Variants in SLC14A1 observed in about 807,000 individuals in gnomAD.
SLC14A1 encodes the protein urea transporter 1.
SLC14A1 carries 36 observed loss-of-function variants against 39.6 expected under a neutral mutation model. The observed-to-expected ratio is 0.91, with a 90% confidence interval of 0.70 to 1.20. The LOEUF is 1.20. SLC14A1 is among the 50% of genes most tolerant of loss of function. The probability of loss-of-function intolerance (pLI) is 0.00; values close to 1 mark genes in which losing one functional copy is unlikely to be tolerated. For missense variants in SLC14A1, 469 were observed against 478.7 expected (o/e 0.98, Z 0.19); for synonymous variants, 164 against 173.6 (o/e 0.94, Z 0.43).
chr18:45,731,163 AGTGGTCTCCACTCT>A lies in SLC14A1; in HGVS notation c.302_315del (p.Val101AspfsTer111). 3 of 1,614,074 alleles carry A rather than the reference AGTGGTCTCCACTCT, an allele frequency of 1.9e-6. No individual in the cohort carries two copies. The highest frequency in any genetic ancestry group is 2.5e-6 in the Non-Finnish European group (3 of 1,179,988). On this transcript the variant is annotated frameshift_variant, in exon 4 of 10. Transcript: ENST00000321925. LOFTEE classifies it high-confidence loss of function. ...GGGCTCTCACTGGCTGGCTGGGAAC[AGTGGTCTCCACTCT>A]GATGGCCCTCTTGCTCAGCCAGGAC...
intron 9 of SLC14A1, 142 bp downstream of exon 9, chr18:45,748,567 G>T: frequency 1.2e-6 from 1 of 847,752 alleles, no homozygotes; most frequent in Admixed American, 1.8e-5. Context: ...TTCTCCTGGA[G>T]CTCCCTGGCC....
intron 4 of SLC14A1, 71 bp from the exon 5 acceptor site, chr18:45,734,203 A>G: frequency 6.4e-7 from 1 of 1,571,012 alleles, no homozygotes; most frequent in Non-Finnish European, 8.8e-7. Context: ...GGAAGTTACT[A>G]GTGTTATTTA....
intron 2 of SLC14A1, chr18:45,729,047 A>G (rs980348648): frequency 1.3e-5 from 2 of 152,134 alleles, no homozygotes; most frequent in Admixed American, 1.3e-4. Flanking sequence ...GCTATGGTAA[A>G]TGGAACAATG....
chr18:45,738,386 A>C (rs2047259267), intron 6 of SLC14A1, among the ~76,000 whole-genome samples: 1 of 152,254 alleles, frequency 6.6e-6, no homozygotes, highest in Non-Finnish European at 1.5e-5. Flanking sequence ...TCAGCTGTAA[A>C]GAATGATCAC....
At position 45,749,687 on chromosome 18, in the gene SLC14A1, T is replaced by C; in HGVS notation, c.997-91T>C. 2.7e-6 allele frequency: 4 copies of C among 1,471,182 alleles called. No homozygotes were observed. The African/African-American group carries it at 4.2e-5, about 15-fold the overall frequency. 91.1% of individuals were successfully genotyped at this position (1,471,182 alleles called of 1,614,324 possible). Reference sequence around the variant, plus strand: ...CAATGCCCCCAGTGGTTCATCCCCCTGGGCTGAATGCAAGTAGAGGGGGAT... The same window carrying C: ...CAATGCCCCCAGTGGTTCATCCCCCCGGGCTGAATGCAAGTAGAGGGGGAT... On this transcript the variant is annotated intron_variant, in intron 9 of 9. Transcript: ENST00000321925.
intron 4 of SLC14A1, among the ~76,000 whole-genome samples, chr18:45,732,232 G>C (rs1418807992): frequency 6.6e-6 from 1 of 152,106 alleles, no homozygotes; most frequent in Non-Finnish European, 1.5e-5. Flanking sequence ...TACTTTCCTT[G>C]GTCTGAAAAG....
intron 5 of SLC14A1, among the ~76,000 whole-genome samples, chr18:45,734,801 G>A (rs556856674): frequency 5.9e-4 from 90 of 152,132 alleles, no homozygotes; most frequent in Non-Finnish European, 1.2e-3. Context: ...GGAGCAGGAG[G>A]GCAAGGAGAA....
intron 7 of SLC14A1, 105 bp downstream of exon 7, chr18:45,739,415 G>C: frequency 6.2e-7 from 1 of 1,605,358 alleles, no homozygotes; most frequent in South Asian, 1.1e-5. Context: ...TGGCTTCCTA[G>C]GGACCAATGG....
At chr18:45,739,495 A>G (rs1483187125) in intron 7 of SLC14A1, 33 bp from the exon 8 acceptor site, 2 of 1,613,834 alleles carry the variant, frequency 1.2e-6, no homozygotes, top group Admixed American at 3.3e-5. Flanking sequence ...TCCTGCCTTT[A>G]GTCCTGAGTT....
chr18:45,746,376 C>T (rs1187487665), intron 8 of SLC14A1, among the ~76,000 whole-genome samples: 1 of 152,180 alleles, frequency 6.6e-6, no homozygotes, highest in Non-Finnish European at 1.5e-5. Context: ...TCTTAATTGA[C>T]ATACCTACCA....
Position 45,736,516 on chromosome 18 carries a change from C to T in SLC14A1, c.531C>T (p.Thr177=). ...MLSKWDLPVF[T]LPFNMALSMY... ...GCAAATGGGACCTCCCCGTCTTCAC[C>T]CTCCCTTTCAACATGGCGTTGTCAA... Residue 177 remains threonine, a synonymous_variant, in exon 6 of 10, where the codon ACC becomes ACT. Transcript: ENST00000321925. The T allele has an allele frequency of 6.2e-7, 1 of 1,614,108 alleles. No homozygotes were observed. Among genetic ancestry groups the T allele is most frequent in the Non-Finnish European group, 8.5e-7 (1 of 1,179,980 alleles).
At position 45,749,892 on chromosome 18, in the gene SLC14A1, G is replaced by A. The variant is rs756254780; in HGVS notation, c.1111G>A (p.Glu371Lys). ...KMPLSKVTYP[E>K]ENRIFYLQAK... is the part of the protein sequence containing the mutation. ...GCCCCTCAGTAAAGTTACTTATCCT[G>A]AAGAAAACCGCATCTTCTACCTGCA... Residue 371 changes from glutamate (E) to lysine (K), a missense_variant, in exon 10 of 10, where the codon GAA (glutamate) becomes AAA (lysine). Physicochemically the swap from Glu to Lys is moderately conservative, Grantham distance 56. Transcript: ENST00000321925. 1.7e-5 allele frequency: 28 copies of A among 1,614,132 alleles called. No homozygotes were observed. Among genetic ancestry groups the A allele is most frequent in the Non-Finnish European group, 2.3e-5 (27 of 1,180,026 alleles).
intron 6 of SLC14A1, among the ~76,000 whole-genome samples, chr18:45,737,007 A>G (rs1050955592): frequency 1.3e-5 from 2 of 151,782 alleles, no homozygotes; most frequent in Admixed American, 1.3e-4. Context: ...TCCATAGTCT[A>G]CTCCCTCCAA....
intron 2 of SLC14A1, among the ~76,000 whole-genome samples, chr18:45,728,457 TCTTTGGG>T (rs2144740523): frequency 6.6e-6 from 1 of 152,312 alleles, no homozygotes; most frequent in South Asian, 2.1e-4. Flanking sequence ...GGCATTTATC[TCTTTGGG>T]CTGCTTGTCC....
In SLC14A1 at chr18:45,750,556, TG is replaced by T; in HGVS notation, c.*609del. The T allele has an allele frequency of 2.0e-6, 2 of 988,072 alleles. No homozygotes were observed. Among genetic ancestry groups the T allele is most frequent in the Non-Finnish European group, 2.4e-6 (2 of 831,612 alleles). 61.2% of individuals were successfully genotyped at this position (988,072 alleles called of 1,614,324 possible). A position where few individuals can be genotyped will look rare whatever the true frequency, so the allele number is the denominator to read the frequency against. On this transcript the variant is annotated 3_prime_UTR_variant, in exon 10 of 10. Coordinates refer to ENST00000321925, the MANE Select transcript of SLC14A1 (RefSeq NM_015865.7). ...GTGACATTCTCTCATGGGACAATGTTGGGGTTTTTCAGACTGACAGGACTGC... is the reference window on the plus strand; with the variant it reads ...GTGACATTCTCTCATGGGACAATGTTGGGTTTTTCAGACTGACAGGACTGC...
At chr18:45,732,466 C>T (rs1409576469) in intron 4 of SLC14A1, among the ~76,000 whole-genome samples, 2 of 152,184 alleles carry the variant, frequency 1.3e-5, no homozygotes, top group African/African-American at 4.8e-5. Flanking sequence ...GTATCACCTC[C>T]CATTTGCCCT....
chr18:45,748,260 A>C lies in SLC14A1; in HGVS notation c.947-116A>C. ...ACCCAGGACTGCTGACTTTAGGCTC[A>C]TGCTTGTAATCAGGGCACTGTGCAT... is the stretch of plus-strand genomic sequence containing the variant. On this transcript the variant is annotated intron_variant, in intron 8 of 9. Transcript: ENST00000321925. 6.4e-6 allele frequency: 7 copies of C among 1,102,126 alleles called. No homozygotes were observed. The South Asian group carries it at 8.7e-5, about 14-fold the overall frequency. 68.3% of individuals were successfully genotyped at this position (1,102,126 alleles called of 1,614,324 possible). A position where few individuals can be genotyped will look rare whatever the true frequency, so the allele number is the denominator to read the frequency against.
intron 8 of SLC14A1, among the ~76,000 whole-genome samples, chr18:45,744,266 G>A (rs1023541093): frequency 5.9e-5 from 9 of 152,080 alleles, no homozygotes; most frequent in Non-Finnish European, 7.4e-5. Flanking sequence ...CACCTGCCTC[G>A]GCCTCCCAAA....
intron 4 of SLC14A1, chr18:45,734,017 T>A: frequency 2.3e-6 from 1 of 430,558 alleles, no homozygotes; most frequent in South Asian, 2.1e-5. Context: ...AAAATTGTCT[T>A]CCATGAAACC....
Sources: allele counts gnomAD v4.1 joint callset (sites outside exome capture counted in the v4.1 genomes callset), GRCh38; gene constraint gnomAD v4.1.1; transcripts MANE v1.5; gene names NCBI Gene and HGNC (gene_info 2026-07-23, HGNC 2026-07-21).